Variants in ULK3 observed in about 807,000 individuals in gnomAD.
ULK3 encodes serine/threonine-protein kinase ULK3.
A neutral mutation model predicts 69.4 loss-of-function variants in ULK3; 54 were observed. That is an observed-to-expected ratio of 0.78 (90% CI 0.63 to 0.98). The LOEUF is 0.98. Ranked by LOEUF, ULK3 falls within the 50% of genes least tolerant of loss-of-function variation. The probability of loss-of-function intolerance (pLI) is 0.00; values close to 1 mark genes in which losing one functional copy is unlikely to be tolerated. For synonymous variants in ULK3, 240 were observed against 254.5 expected, an observed-to-expected ratio of 0.94 and a Z score of 0.54; for missense variants, 558 against 627.7, an observed-to-expected ratio of 0.89 and a Z score of 1.19.
rs373403457 is a variant in ULK3, at chr15:74,840,261, C to G, written c.669G>C (p.Glu223Asp). 40 of 1,610,850 alleles carry G rather than the reference C, an allele frequency of 2.5e-5. No homozygotes were observed. Among genetic ancestry groups the G allele is most frequent in the Admixed American group, 1.3e-4 (8 of 59,628 alleles). ...CGATGACCCGGTTGCTACGGATCTT[C>G]TCTTCCAGCTCCGAGAACGACCTGG... ...FASRSFSELE[E>D]KIRSNRVIEL... The change falls in exon 6 of 16, where the codon GAG (glutamate) becomes GAC (aspartate). Residue 223 changes from glutamate (E) to aspartate (D), a missense_variant. Glu to Asp is a conservative substitution (Grantham distance 45). Coordinates refer to ENST00000440863, the MANE Select transcript of ULK3 (RefSeq NM_001099436.4).
chr15:74,838,460 C>A lies in ULK3; in HGVS notation c.1147G>T (p.Ala383Ser). 6.3e-7 allele frequency: 1 copy of A among 1,579,720 alleles called. No individual in the cohort carries two copies. The highest frequency in any genetic ancestry group is 8.6e-7 in the Non-Finnish European group (1 of 1,162,896). Residue 383 changes from alanine to serine, a missense_variant, in exon 11 of 16, where the codon GCT (alanine) becomes TCT (serine). Transcript: ENST00000440863. Reference protein sequence around the residue: ...KPRLLAALEVASAAMAKEEAA... With the variant: ...KPRLLAALEVSSAAMAKEEAA... ...CAAACCTTGGCCATGGCAGCTGAAG[C>A]CACTTCCAGGGCAGCTAGGAGGCGT... is the stretch of plus-strand genomic sequence containing the variant.
Position 74,840,637 on chromosome 15 carries a change from A to G in ULK3, c.474T>C (p.Phe158=). The change falls in exon 5 of 16, where the codon TTT becomes TTC. Residue 158 remains phenylalanine (F), a synonymous_variant. Transcript: ENST00000440863. ...ACGGGGACATGTGTTGTGCGAAACCAAAGTCTGCAGGCAAGAGGAGAGGCA... is the reference window on the plus strand; with the variant it reads ...ACGGGGACATGTGTTGTGCGAAACCGAAGTCTGCAGGCAAGAGGAGAGGCA... ...LEKPHLKLAD[F]GFAQHMSPWD... is the part of the protein sequence containing the mutation. 1 of 1,562,878 alleles carries G rather than the reference A, an allele frequency of 6.4e-7. No individual in the cohort carries two copies. The highest frequency in any genetic ancestry group is 1.2e-5 in the South Asian group (1 of 82,694).
At position 74,839,635 on chromosome 15, in the gene ULK3, T is replaced by C. The variant is rs1368139347; in HGVS notation, c.775A>G (p.Ile259Val). The change falls in exon 7 of 16, where the codon ATC becomes GTC. Residue 259 changes from isoleucine (I) to valine (V), a missense_variant. By Grantham distance (29) the Ile-to-Val change is conservative. Transcript: ENST00000440863. Reference protein sequence around the residue: ...RLLERDPSRRISFQDFFAHPW... With the variant: ...RLLERDPSRRVSFQDFFAHPW... The stretch of plus-strand genomic sequence containing the variant: ...TGCGCAAAAAAGTCCTGGAAGGAGA[T>C]GCGACGGCTGGGGTCCCGCTCCAGG... 7 of 1,556,458 alleles carry C rather than the reference T, an allele frequency of 4.5e-6. No individual in the cohort carries two copies. Among genetic ancestry groups the C allele is most frequent in the Non-Finnish European group, 6.1e-6 (7 of 1,151,426 alleles).
rs920860165 is a variant in ULK3, at chr15:74,838,685, C to A, written c.1060G>T (p.Ala354Ser). 6.2e-7 allele frequency: 1 copy of A among 1,612,780 alleles called. No homozygotes were observed. The highest frequency in any genetic ancestry group is 1.3e-5 in the African/African-American group (1 of 74,980). ...LKAIVSSSNQ[A>S]LLRQGTSARD... is the part of the protein sequence containing the mutation. ...GCAGAGGTCCCCTGCCTCAGCAGGG[C>A]CTGATTGGAAGAGGAGACGATGGCC... Residue 354 changes from alanine (A) to serine (S), a missense_variant, in exon 10 of 16, where the codon GCC (alanine) becomes TCC (serine). Transcript: ENST00000440863.
Position 74,842,148 on chromosome 15 carries a change from GC to G in ULK3, c.290del (p.Gly97AlafsTer25). 1 of 1,613,924 alleles carries G rather than the reference GC, an allele frequency of 6.2e-7. No individual in the cohort carries two copies. The highest frequency in any genetic ancestry group is 1.1e-5 in the South Asian group (1 of 91,090). Reference sequence around the variant, plus strand: ...GGGTATGGATGAAGCGAGACAGGTCGCCCCCTGCGCAAAACTCCATGATGAG... The same window carrying G: ...GGGTATGGATGAAGCGAGACAGGTCGCCCCTGCGCAAAACTCCATGATGAG... ...IYLIMEFCAGGDLSRFIHTRR... is the reference protein window; with the variant it reads ...IYLIMEFCAGXDLSRFIHTRR... On this transcript the variant is annotated frameshift_variant, in exon 3 of 16. Transcript: ENST00000440863. LOFTEE classifies it high-confidence loss of function. This position sits in a 1 kb window ranked among gnomAD's most constrained non-coding sequence, Gnocchi z 4.9.
intron 13 of ULK3, 85 bp from the exon 14 acceptor site, chr15:74,837,883 C>A: frequency 7.3e-7 from 1 of 1,364,808 alleles, no homozygotes; most frequent in Non-Finnish European, 1.0e-6. Context: ...ACCCCTGATG[C>A]TCTCCAGAAC....
chr15:74,841,422 G>C lies in ULK3; in HGVS notation c.452C>G (p.Pro151Arg). 1 of 1,613,798 alleles carries C rather than the reference G, an allele frequency of 6.2e-7. No homozygotes were observed. Among genetic ancestry groups the C allele is most frequent in the Non-Finnish European group, 8.5e-7 (1 of 1,179,810 alleles). The change falls in exon 4 of 16, where the codon CCC (proline) becomes CGC (arginine). Residue 151 changes from proline to arginine, a missense_variant. Pro to Arg is a moderately radical substitution (Grantham distance 103). Coordinates refer to ENST00000440863, the MANE Select transcript of ULK3 (RefSeq NM_001099436.4). ...ACACAGACCTGCCAGTTTTAGGTGG[G>C]GCTTCTCCAAGGAGCTCAGTAGAAT... ...QNILLSSLEK[P>R]HLKLADFGFA...
chr15:74,841,002 C>T (rs1387916255), intron 4 of ULK3, among the ~76,000 whole-genome samples: 1 of 152,164 alleles, frequency 6.6e-6, no homozygotes, highest in African/African-American at 2.4e-5. Flanking sequence ...TACTCCCCCA[C>T]CACACCCCTC....
In ULK3 at chr15:74,842,721, C is replaced by T; in HGVS notation, c.102+283G>A. 1.3e-6 allele frequency: 2 copies of T among 1,522,076 alleles called. No individual in the cohort carries two copies. The highest frequency in any genetic ancestry group is 2.4e-5 in the South Asian group (2 of 83,492). The allele number at this position is 1,522,076 out of a possible 1,614,324, so 94.3% of individuals were successfully genotyped here. Reference sequence around the variant, plus strand: ...CATGTCACTCAGGGTTCTAGAACCGCCCACTCTGCCTCCCAACTGGCTCCA... The same window carrying T: ...CATGTCACTCAGGGTTCTAGAACCGTCCACTCTGCCTCCCAACTGGCTCCA... On this transcript the variant is annotated intron_variant, in intron 1 of 15. Transcript: ENST00000440863. The surrounding 1 kb of genome is among the most constrained non-coding windows in gnomAD (Gnocchi z 4.9).
rs1018512142 is a variant in ULK3, at chr15:74,840,305, C to T, written c.625G>A (p.Gly209Arg). The stretch of plus-strand genomic sequence containing the variant: ...GACCTGGAGGCAAAGGGGGGCTGCC[C>T]GAAGAGGGCTTCTGTGGAAGGGAGG... ...MGVILYEALF[G>R]QPPFASRSFS... The change falls in exon 6 of 16, where the codon GGG becomes AGG. Residue 209 changes from glycine to arginine, a missense_variant. Transcript: ENST00000440863. 1.9e-6 allele frequency: 3 copies of T among 1,609,184 alleles called. No homozygotes were observed. Among genetic ancestry groups the T allele is most frequent in the African/African-American group, 2.7e-5 (2 of 74,808 alleles).
intron 13 of ULK3, 91 bp downstream of exon 13, chr15:74,838,061 C>A: frequency 6.6e-7 from 1 of 1,509,818 alleles, no homozygotes; most frequent in Non-Finnish European, 8.9e-7. Flanking sequence ...GACAGTGGGA[C>A]ATTCCAGAGG....
chr15:74,838,803 C>T (rs1460851467), intron 9 of ULK3, 58 bp from the exon 10 acceptor site: 19 of 1,505,290 alleles, frequency 1.3e-5, no homozygotes, highest in Admixed American at 5.9e-5. Flanking sequence ...TTGCCAGAAC[C>T]CACCTCCAAG....
chr15:74,839,533 ACCCCAG>A lies in ULK3; in HGVS notation c.852+19_852+24del. 1.3e-6 allele frequency: 2 copies of A among 1,533,664 alleles called. No homozygotes were observed. Among genetic ancestry groups the A allele is most frequent in the Non-Finnish European group, 1.8e-6 (2 of 1,136,642 alleles). On this transcript the variant is annotated intron_variant, in intron 7 of 15. Coordinates refer to ENST00000440863, the MANE Select transcript of ULK3 (RefSeq NM_001099436.4). ...GAGACCTCCAGCCCACCCTCAGCCCACCCCAGCCCCAGCCGTCTGCTCACTGCTCGC... is the reference window on the plus strand; with the variant it reads ...GAGACCTCCAGCCCACCCTCAGCCCACCCCAGCCGTCTGCTCACTGCTCGC...
Position 74,842,887 on chromosome 15 carries a change from C to CT in ULK3, c.102+116_102+117insA. Reference sequence around the variant, plus strand: ...AACCTCCGCCGAGGGTCAGCTGGGGCGAGGCCGGCCTCCCGCCCCTAACTA... The same window carrying CT: ...AACCTCCGCCGAGGGTCAGCTGGGGCTGAGGCCGGCCTCCCGCCCCTAACTA... On this transcript the variant is annotated intron_variant, in intron 1 of 15. Coordinates refer to ENST00000440863, the MANE Select transcript of ULK3 (RefSeq NM_001099436.4). The surrounding 1 kb of genome is among the most constrained non-coding windows in gnomAD (Gnocchi z 4.9). The CT allele has an allele frequency of 7.4e-7, 1 of 1,343,484 alleles. No individual in the cohort carries two copies. Among genetic ancestry groups the CT allele is most frequent in the Non-Finnish European group, 1.0e-6 (1 of 997,836 alleles). The allele number at this position is 1,343,484 out of a possible 1,614,324, so 83.2% of individuals were successfully genotyped here. A position where few individuals can be genotyped will look rare whatever the true frequency, so the allele number is the denominator to read the frequency against.
intron 12 of ULK3, 33 bp downstream of exon 12, chr15:74,838,233 G>A (rs1417458780): frequency 6.4e-7 from 1 of 1,564,494 alleles, no homozygotes; most frequent in Non-Finnish European, 8.7e-7. Flanking sequence ...GGTGGCCAGA[G>A]GCCCTGTGGG....
Position 74,842,512 on chromosome 15 carries a change from A to AC in ULK3, c.103-93dup. On this transcript the variant is annotated intron_variant, in intron 1 of 15. Coordinates refer to ENST00000440863, the MANE Select transcript of ULK3 (RefSeq NM_001099436.4). The surrounding 1 kb of genome is among the most constrained non-coding windows in gnomAD (Gnocchi z 4.9). ...TCTATCTGGTTCCCTCTGTTCCCCC[A>AC]CCCCGCCCCTCCCCGGGTCTACCTA... The AC allele has an allele frequency of 2.7e-5, 36 of 1,351,402 alleles. No individual in the cohort carries two copies. The highest frequency in any genetic ancestry group is 3.7e-5 in the Non-Finnish European group (36 of 976,698). The allele number at this position is 1,351,402 out of a possible 1,614,324, so 83.7% of individuals were successfully genotyped here.
Position 74,841,518 on chromosome 15 carries a change from C to A in ULK3, c.365-9G>T. On this transcript the variant is annotated splice_polypyrimidine_tract_variant and intron_variant, in intron 3 of 15. Transcript: ENST00000440863. ...GAATTGCAGGGCGCTAGCTGAGGAGCAGGACCCACGAAGAGAGACAGTTCA... is the reference window on the plus strand; with the variant it reads ...GAATTGCAGGGCGCTAGCTGAGGAGAAGGACCCACGAAGAGAGACAGTTCA... 1 of 1,612,762 alleles carries A rather than the reference C, an allele frequency of 6.2e-7. No individual in the cohort carries two copies. Among genetic ancestry groups the A allele is most frequent in the Non-Finnish European group, 8.5e-7 (1 of 1,178,934 alleles).
At chr15:74,840,337 G>A (rs754605458) in intron 5 of ULK3, 21 bp from the exon 6 acceptor site, 60 of 1,599,086 alleles carry the variant, frequency 3.8e-5, no homozygotes, top group Non-Finnish European at 4.2e-5. Context: ...GAGGCAGAGC[G>A]GAGGCTGGGA....
At position 74,840,250 on chromosome 15, in the gene ULK3, C is replaced by G; in HGVS notation, c.680G>C (p.Ser227Thr). 6.2e-7 allele frequency: 1 copy of G among 1,610,314 alleles called. No individual in the cohort carries two copies. The highest frequency in any genetic ancestry group is 8.5e-7 in the Non-Finnish European group (1 of 1,178,488). Residue 227 changes from serine to threonine, a missense_variant, in exon 6 of 16, where the codon AGC becomes ACC. Transcript: ENST00000440863. ...SFSELEEKIR[S>T]NRVIELPLRP... ...TAGACACACCTCGATGACCCGGTTG[C>G]TACGGATCTTCTCTTCCAGCTCCGA...
Sources: gnomAD v4.1 joint callset for allele counts (sites outside exome capture counted in the v4.1 genomes callset) on GRCh38, gnomAD v4.1.1 for gene constraint, Gnocchi (gnomAD v3.1) non-coding constraint, MANE v1.5 for transcripts, NCBI Gene and HGNC (gene_info 2026-07-23, HGNC 2026-07-21) for gene names.